PRR5: variants seen among roughly 807,000 people sequenced by gnomAD.
PRR5 encodes the protein proline rich 5.
A neutral mutation model predicts 30.6 loss-of-function variants in PRR5; 25 were observed. The observed-to-expected ratio is 0.82, with a 90% confidence interval of 0.60 to 1.14. The LOEUF is 1.14. Among genes scored for constraint, PRR5 ranks in the 50% most tolerant of loss-of-function variants. The pLI is 0.00. For synonymous variants in PRR5, 286 were observed against 247.1 expected (o/e 1.16, Z -1.48); for missense variants, 600 against 547.1 (o/e 1.10, Z -0.96).
At chr22:44,721,380 C>T (rs1258966226) in intron 2 of PRR5, among the ~76,000 whole-genome samples, 1 of 152,040 alleles carries the variant, frequency 6.6e-6, no homozygotes, top group Non-Finnish European at 1.5e-5. Context: ...TTGCAGAAAG[C>T]GACCAATCAG....
chr22:44,709,980 C>G (rs923973662), intron 1 of PRR5, among the ~76,000 whole-genome samples: 1 of 152,190 alleles, frequency 6.6e-6, no homozygotes, highest in East Asian at 1.9e-4. Context: ...CTGAGCTGCT[C>G]TTTTCTCACG....
chr22:44,695,394 C>G (rs953403877), intron 1 of PRR5, among the ~76,000 whole-genome samples: 6 of 152,256 alleles, frequency 3.9e-5, no homozygotes, highest in Middle Eastern at 3.4e-3. Context: ...AGGGTGGCAC[C>G]AGCCCGAGGT....
intron 4 of PRR5, chr22:44,729,283 G>A (rs138096919): frequency 9.6e-6 from 9 of 938,414 alleles, no homozygotes; most frequent in East Asian, 2.3e-4. Flanking sequence ...TGAGTCTCCC[G>A]ACGGGCTGAA....
At chr22:44,717,206 T>TTTC in intron 2 of PRR5, among the ~76,000 whole-genome samples, 1 of 150,580 alleles carries the variant, frequency 6.6e-6, no homozygotes, top group South Asian at 2.1e-4. Context: ...TTTTTTTTTT[T>TTTC]TTGAGACGTA....
At chr22:44,699,945 T>C (rs1055609329), upstream of PRR5, among the ~76,000 whole-genome samples, 1 of 144,332 alleles carries the variant, frequency 6.9e-6, no homozygotes, top group Non-Finnish European at 1.5e-5. Context: ...TTTTTTTTTT[T>C]ACAGCAGTAA....
At chr22:44,732,872 CACTGCACACACACACCA>C in intron 6 of PRR5, among the ~76,000 whole-genome samples, 2 of 150,096 alleles carry the variant, frequency 1.3e-5, no homozygotes, top group African/African-American at 5.0e-5. Context: ...ACATACTACA[CACTGCACACACACACCA>C]CACACGTGCA....
intron 1 of PRR5, among the ~76,000 whole-genome samples, chr22:44,704,772 T>C (rs1926921205): frequency 6.7e-6 from 1 of 149,838 alleles, no homozygotes; most frequent in African/African-American, 2.5e-5. Flanking sequence ...CATGCCCAGC[T>C]CATCCATCAC....
intron 1 of PRR5, among the ~76,000 whole-genome samples, chr22:44,693,639 T>TTTTTC (rs1925481817): frequency 7.2e-6 from 1 of 139,794 alleles, no homozygotes; most frequent in Non-Finnish European, 1.5e-5. Flanking sequence ...TTTTTTTTTT[T>TTTTTC]CTGAGGTGGA....
intron 4 of PRR5, among the ~76,000 whole-genome samples, chr22:44,727,961 C>T (rs5765943): frequency 1.3e-5 from 2 of 152,178 alleles, no homozygotes; most frequent in South Asian, 2.1e-4. Flanking sequence ...TGGCACCTGA[C>T]GAAGATGGCC....
upstream of PRR5, among the ~76,000 whole-genome samples, chr22:44,676,408 A>G (rs1341749759): frequency 2.0e-5 from 3 of 150,052 alleles, no homozygotes; most frequent in Non-Finnish European, 4.4e-5. Context: ...AAAAAAAAAA[A>G]AAAAAAAGAA....
intron 4 of PRR5, among the ~76,000 whole-genome samples, chr22:44,729,163 T>C (rs1187285880): frequency 1.3e-5 from 2 of 152,150 alleles, no homozygotes; most frequent in African/African-American, 4.8e-5. Flanking sequence ...CTGTGCTGCC[T>C]TACACGCTTG....
At chr22:44,697,673 G>A (rs964196043), upstream of PRR5, among the ~76,000 whole-genome samples, 45 of 152,356 alleles carry the variant, frequency 3.0e-4, no homozygotes, top group African/African-American at 9.4e-4. Context: ...CCTGAGGGCC[G>A]TGCCCCGGGG....
At chr22:44,688,508 G>T (rs1337297415) in intron 1 of PRR5, among the ~76,000 whole-genome samples, 1 of 152,154 alleles carries the variant, frequency 6.6e-6, no homozygotes, top group Non-Finnish European at 1.5e-5. Context: ...AGCTCCATCG[G>T]CAAGGAGGGG....
rs770274612 is a variant in PRR5, at chr22:44,702,542, C to T, written c.68C>T (p.Pro23Leu). 21 of 1,450,154 alleles carry T rather than the reference C, an allele frequency of 1.4e-5. No individual in the cohort carries two copies. In the African/African-American group the frequency reaches 2.4e-4, roughly 16 times the overall value. The allele number at this position is 1,450,154 out of a possible 1,614,324, so 89.8% of individuals were successfully genotyped here. Residue 23 changes from proline to leucine, a missense_variant, in exon 1 of 8, where the codon CCG (proline) becomes CTG (leucine). Transcript: ENST00000336985. ...PSLSDLGKRE[P>L]AAAADERGTQ... ...CTCAGTGACCTGGGCAAGAGAGAGC[C>T]GGCCGCCGCCGCGGACGAGCGGGGC...
At chr22:44,713,432 C>A (rs796175662) in intron 1 of PRR5, among the ~76,000 whole-genome samples, 7 of 152,234 alleles carry the variant, frequency 4.6e-5, no homozygotes, top group African/African-American at 1.7e-4. Flanking sequence ...AGGGTTTTGC[C>A]ATGTTGGCCA....
chr22:44,684,968 A>C (rs1212694079), intron 1 of PRR5, among the ~76,000 whole-genome samples: 1 of 152,180 alleles, frequency 6.6e-6, no homozygotes, highest in Non-Finnish European at 1.5e-5. Context: ...AGGGCCCGGC[A>C]CGAAGTAGGC....
intron 4 of PRR5, 147 bp from the exon 5 acceptor site, chr22:44,731,583 G>A: frequency 1.4e-6 from 1 of 716,132 alleles, no homozygotes; most frequent in South Asian, 1.6e-5. Context: ...GCTGAGCTGT[G>A]GAGCTGGACA....
At chr22:44,718,939 T>C (rs1421825901) in intron 2 of PRR5, among the ~76,000 whole-genome samples, 1 of 152,236 alleles carries the variant, frequency 6.6e-6, no homozygotes, top group East Asian at 1.9e-4. Flanking sequence ...TCCCATTCTG[T>C]GAGCTGTCAT....
Position 44,727,734 on chromosome 22 carries a change from G to T in PRR5, c.322+1100G>T, listed in dbSNP as rs377606055. Among the ~76,000 whole-genome samples, 32 of 152,290 alleles carry T rather than the reference G, an allele frequency of 2.1e-4. No individual in the cohort carries two copies. In the South Asian group the frequency reaches 6.6e-3, roughly 32 times the overall value. On this transcript the variant is annotated intron_variant, in intron 4 of 7. Transcript: ENST00000336985. ...GCTACTAGCCCACTCCACAGAGAAGGACACAGGCCCGGAGGCCTGGCATGT... is the reference window on the plus strand; with the variant it reads ...GCTACTAGCCCACTCCACAGAGAAGTACACAGGCCCGGAGGCCTGGCATGT...
Sources: allele counts gnomAD v4.1 joint callset (sites outside exome capture counted in the v4.1 genomes callset), GRCh38; gene constraint gnomAD v4.1.1; transcripts MANE v1.5; gene names NCBI Gene and HGNC (gene_info 2026-07-23, HGNC 2026-07-21).